MAMLD1: variants seen among roughly 807,000 people sequenced by gnomAD.
The protein encoded by MAMLD1 is mastermind like domain containing 1.
MAMLD1 carries 14 observed loss-of-function variants against 45.0 expected under a neutral mutation model. The ratio of observed to expected loss-of-function variants is 0.31; its 90% CI spans 0.21 to 0.49. The LOEUF (loss-of-function observed/expected upper bound fraction) is 0.49, where lower values mean the gene tolerates loss of function less well. Among genes scored for constraint, MAMLD1 ranks in the 20% least tolerant of loss-of-function variants. The pLI is 0.99. For synonymous variants in MAMLD1, 254 were observed against 247.8 expected, an observed-to-expected ratio of 1.02 and a Z score of -0.24; for missense variants, 543 against 603.6, an observed-to-expected ratio of 0.90 and a Z score of 1.05.
chrX:150,467,335 G>A (rs1457384742), intron 3 of MAMLD1, among the ~76,000 whole-genome samples: 2 of 111,610 alleles, frequency 1.8e-5, no homozygotes, highest in African/African-American at 6.5e-5. Context: ...CCATTGATTC[G>A]TTCAACTGCC....
In MAMLD1 at chrX:150,371,467, T is replaced by C. The variant is rs187053308; in HGVS notation, c.-64+7937T>C. Among the ~76,000 whole-genome samples the C allele has an allele frequency of 3.7e-3, 409 of 110,918 alleles. 2 individuals carry two copies. The highest frequency in any genetic ancestry group is 0.012 in the African/African-American group (381 of 30,507). ...TTTCTGCTGATTTTGGAAGAGATCATTGGAGGCCACAGCACCTGAGCTAGT... is the reference window on the plus strand; with the variant it reads ...TTTCTGCTGATTTTGGAAGAGATCACTGGAGGCCACAGCACCTGAGCTAGT... On this transcript the variant is annotated intron_variant, in intron 1 of 7. Transcript: ENST00000370401.
chrX:150,379,071 A>G (rs1300766882), intron 1 of MAMLD1, among the ~76,000 whole-genome samples: 2 of 111,944 alleles, frequency 1.8e-5, no homozygotes, highest in Non-Finnish European at 3.8e-5. Flanking sequence ...TCACATCTAT[A>G]TCTATTCCTT....
At chrX:150,375,282 G>T (rs144073162) in intron 1 of MAMLD1, among the ~76,000 whole-genome samples, 1 of 111,373 alleles carries the variant, frequency 9.0e-6, no homozygotes, top group Non-Finnish European at 1.9e-5. Context: ...TCTCTGTCTG[G>T]CTCCTCACAA....
intron 5 of MAMLD1, among the ~76,000 whole-genome samples, chrX:150,479,937 G>A (rs1160944117): frequency 1.8e-5 from 2 of 111,590 alleles, no homozygotes; most frequent in African/African-American, 6.5e-5. Context: ...AGGAGTGGAT[G>A]GTGCAGAGCG....
intron 1 of MAMLD1, among the ~76,000 whole-genome samples, chrX:150,415,238 C>A (rs1557402999): frequency 2.7e-5 from 3 of 112,706 alleles, no homozygotes; most frequent in East Asian, 5.6e-4. Context: ...TGGGCTACCC[C>A]CTCTAACTTC....
intron 5 of MAMLD1, among the ~76,000 whole-genome samples, chrX:150,486,594 C>T (rs782722202): frequency 9.0e-6 from 1 of 111,482 alleles, no homozygotes; most frequent in East Asian, 2.8e-4. Context: ...TCATACACAC[C>T]TTCCTTCCCA....
chrX:150,408,037 C>T (rs1441911742), intron 1 of MAMLD1, among the ~76,000 whole-genome samples: 3 of 111,693 alleles, frequency 2.7e-5, no homozygotes, highest in Admixed American at 9.5e-5. Flanking sequence ...TTATCTCAAA[C>T]GGGCTCCCAA....
chrX:150,417,244 G>A (rs2124543478), intron 1 of MAMLD1, among the ~76,000 whole-genome samples: 2 of 107,088 alleles, frequency 1.9e-5, no homozygotes, highest in African/African-American at 6.9e-5. Flanking sequence ...CCACCTATGA[G>A]TGAGAATATG....
At chrX:150,487,159 G>C (rs1291708226) in intron 5 of MAMLD1, among the ~76,000 whole-genome samples, 1 of 111,485 alleles carries the variant, frequency 9.0e-6, no homozygotes, top group Non-Finnish European at 1.9e-5. Context: ...CTCTGATTTA[G>C]ATTATCCTTA....
chrX:150,489,486 C>G (rs142679155), intron 5 of MAMLD1, among the ~76,000 whole-genome samples: 1 of 108,963 alleles, frequency 9.2e-6, no homozygotes, highest in Non-Finnish European at 1.9e-5. Context: ...CTCCTAATGA[C>G]ATCATATTGT....
At chrX:150,491,394 GC>G (rs1557407942) in intron 5 of MAMLD1, among the ~76,000 whole-genome samples, 1 of 112,157 alleles carries the variant, frequency 8.9e-6, no homozygotes, top group Admixed American at 9.5e-5. Context: ...ATCACCTACT[GC>G]CAAGCACAGT....
rs782390238 is a variant in MAMLD1, at chrX:150,470,829, C to T, written c.1256C>T (p.Pro419Leu). The T allele has an allele frequency of 1.9e-5, 23 of 1,210,463 alleles. No individual in the cohort carries two copies. The highest frequency in any genetic ancestry group is 4.4e-5 in the Admixed American group (2 of 45,910). The change falls in exon 4 of 8, where the codon CCG becomes CTG. Residue 419 changes from proline (P) to leucine (L), a missense_variant. Transcript: ENST00000370401. ...KLPSPALTQQ[P>L]QFGPQSSILA... ...CCCAGCCCTGCTCTCACTCAACAGC[C>T]GCAGTTCGGCCCTCAGAGCTCCATT... is the stretch of plus-strand genomic sequence containing the variant.
chrX:150,398,330 A>AGG (rs1569564615), intron 1 of MAMLD1, among the ~76,000 whole-genome samples: 13 of 83,004 alleles, frequency 1.6e-4, no homozygotes, highest in African/African-American at 5.9e-4. Flanking sequence ...GAAGAAGAAG[A>AGG]AGAAGAAGAA....
chrX:150,512,698 C>A lies in MAMLD1; in HGVS notation c.*739C>A. Reference sequence around the variant, plus strand: ...AGTTCCTCCAGCAGGGTATGGCCAGCTTTAGTCCCCTGAGCCCCATACAGG... The same window carrying A: ...AGTTCCTCCAGCAGGGTATGGCCAGATTTAGTCCCCTGAGCCCCATACAGG... On this transcript the variant is annotated 3_prime_UTR_variant, in exon 8 of 8. Transcript: ENST00000370401. 1 of 1,152,786 alleles carries A rather than the reference C, an allele frequency of 8.7e-7. No individual in the cohort carries two copies. Among genetic ancestry groups the A allele is most frequent in the Admixed American group, 2.6e-5 (1 of 38,699 alleles).
intron 1 of MAMLD1, among the ~76,000 whole-genome samples, chrX:150,432,779 T>A (rs1291399557): frequency 5.3e-5 from 6 of 112,363 alleles, no homozygotes; most frequent in African/African-American, 1.6e-4. Flanking sequence ...TCTATGTGCC[T>A]GTTATTGTAC....
At chrX:150,503,827 A>G in intron 6 of MAMLD1, among the ~76,000 whole-genome samples, 1 of 112,226 alleles carries the variant, frequency 8.9e-6, no homozygotes, top group Non-Finnish European at 1.9e-5. Context: ...CCTCAGCTGT[A>G]TGCCTTCCAG....
intron 5 of MAMLD1, among the ~76,000 whole-genome samples, chrX:150,488,174 A>G (rs1303669419): frequency 1.8e-5 from 2 of 112,253 alleles, no homozygotes; most frequent in Non-Finnish European, 3.8e-5. Flanking sequence ...TGCCCAAGGT[A>G]TCTCTCTACC....
intron 5 of MAMLD1, among the ~76,000 whole-genome samples, chrX:150,474,384 T>A (rs181835750): frequency 1.8e-5 from 2 of 112,538 alleles, no homozygotes; most frequent in African/African-American, 6.5e-5. Context: ...CAAATCAAGG[T>A]GATGATAGGT....
rs782579573 is a variant in MAMLD1, at chrX:150,454,288, C to G, written c.97-8484C>G. Among the ~76,000 whole-genome samples, 15 of 112,163 alleles carry G rather than the reference C, an allele frequency of 1.3e-4. No homozygotes were observed. In the South Asian group the frequency reaches 4.1e-3, roughly 30 times the overall value. On this transcript the variant is annotated intron_variant, in intron 2 of 7. Coordinates refer to ENST00000370401, the MANE Select transcript of MAMLD1 (RefSeq NM_005491.5). ...TGAACTTGGCCTATATAAAATACCT[C>G]CAGGAAATCAGTCCTCAAACACCAA...
Sources: allele counts gnomAD v4.1 joint callset (sites outside exome capture counted in the v4.1 genomes callset), GRCh38; gene constraint gnomAD v4.1.1; transcripts MANE v1.5; gene names NCBI Gene and HGNC (gene_info 2026-07-23, HGNC 2026-07-21).